ARL5A: variants seen among roughly 807,000 people sequenced by gnomAD.
ARL5A encodes ARF like GTPase 5A.
In ARL5A, 18 loss-of-function variants were observed where a neutral mutation model predicts 25.9. The ratio of observed to expected loss-of-function variants is 0.69; its 90% CI spans 0.48 to 1.03. The LOEUF (loss-of-function observed/expected upper bound fraction) is 1.03. Among genes scored for constraint, ARL5A ranks in the 50% least tolerant of loss-of-function variants. The pLI, the probability that ARL5A is intolerant of heterozygous loss-of-function variation, is 0.00. For missense variants in ARL5A, 170 were observed against 211.9 expected, an observed-to-expected ratio of 0.80 and a Z score of 1.23; for synonymous variants, 61 against 67.5, an observed-to-expected ratio of 0.90 and a Z score of 0.47.
Position 151,801,795 on chromosome 2 carries a change from A to C in ARL5A, c.*1481T>G, listed in dbSNP as rs557094664. ...ATATTGAAGGTAGTTTTTTTTTCTC[A>C]AATATGCTAAAACATGTGAGTTTGG... On this transcript the variant is annotated 3_prime_UTR_variant, in exon 6 of 6. Coordinates refer to ENST00000295087, the MANE Select transcript of ARL5A (RefSeq NM_012097.4). 1 of 152,074 alleles carries C rather than the reference A, an allele frequency of 6.6e-6. No individual in the cohort carries two copies. Among genetic ancestry groups the C allele is most frequent in the Non-Finnish European group, 1.5e-5 (1 of 67,892 alleles). 9.4% of individuals were successfully genotyped at this position (152,074 alleles called of 1,614,324 possible).
rs992615683 is a variant in ARL5A at position 151,799,780 on chromosome 2, C to A, written c.*3496G>T. The A allele has an allele frequency of 2.0e-5, 3 of 152,162 alleles. No homozygotes were observed. Among genetic ancestry groups the A allele is most frequent in the Admixed American group, 6.5e-5 (1 of 15,280 alleles). 9.4% of individuals were successfully genotyped at this position (152,162 alleles called of 1,614,324 possible). A position where few individuals can be genotyped will look rare whatever the true frequency, so the allele number is the denominator to read the frequency against. Reference sequence around the variant, plus strand: ...CCAGTGGTGAGAAGATAGCAAGGAACTAGAAAAGCTACATAGAAACCACTG... The same window carrying A: ...CCAGTGGTGAGAAGATAGCAAGGAAATAGAAAAGCTACATAGAAACCACTG... On this transcript the variant is annotated 3_prime_UTR_variant, in exon 6 of 6. Coordinates refer to ENST00000295087, the MANE Select transcript of ARL5A (RefSeq NM_012097.4).
chr2:151,826,118 C>G (rs1316886257), intron 1 of ARL5A, among the ~76,000 whole-genome samples: 2 of 151,994 alleles, frequency 1.3e-5, no homozygotes, highest in South Asian at 2.1e-4. Context: ...AAGACTCCAT[C>G]TCAAAAAAAC....
At chr2:151,825,309 G>A (rs2151298312) in intron 1 of ARL5A, among the ~76,000 whole-genome samples, 2 of 152,140 alleles carry the variant, frequency 1.3e-5, no homozygotes, top group East Asian at 3.9e-4. Flanking sequence ...AGGAGGGAGG[G>A]AAAAATGATG....
chr2:151,827,971 G>A, intron 1 of ARL5A, 160 bp downstream of exon 1: 1 of 683,340 alleles, frequency 1.5e-6, no homozygotes, highest in Non-Finnish European at 2.5e-6. Flanking sequence ...TCGGGAGCCG[G>A]GACCGAACCG....
At chr2:151,806,725 T>C (rs2099830165) in intron 5 of ARL5A, 96 bp downstream of exon 5, 1 of 1,288,554 alleles carries the variant, frequency 7.8e-7, no homozygotes, top group African/African-American at 1.5e-5. Context: ...CGATGTTTTA[T>C]ACACAATAGC....
chr2:151,814,116 A>T lies in ARL5A; in HGVS notation c.255+53T>A, dbSNP rs1430698829. ...ATTAACTATAAGGACTCAAATCTAGATGTTTTCCAAGCATTCTGTTTATAG... is the reference window on the plus strand; with the variant it reads ...ATTAACTATAAGGACTCAAATCTAGTTGTTTTCCAAGCATTCTGTTTATAG... On this transcript the variant is annotated intron_variant, in intron 3 of 5. Coordinates refer to ENST00000295087, the MANE Select transcript of ARL5A (RefSeq NM_012097.4). 5 of 1,458,042 alleles carry T rather than the reference A, an allele frequency of 3.4e-6. No individual in the cohort carries two copies. The African/African-American group carries it at 7.2e-5, about 21-fold the overall frequency. The allele number at this position is 1,458,042 out of a possible 1,614,324, so 90.3% of individuals were successfully genotyped here.
rs1461149599 is a variant in ARL5A, at chr2:151,799,035, G to A, written c.*4241C>T. 1 of 152,172 alleles carries A rather than the reference G, an allele frequency of 6.6e-6. No homozygotes were observed. The highest frequency in any genetic ancestry group is 1.5e-5 in the Non-Finnish European group (1 of 68,020). The allele number at this position is 152,172 out of a possible 1,614,324, so 9.4% of individuals were successfully genotyped here. ...TGGAACATTTCTTCACAATCTGACA[G>A]GACTTTAGGGTTAACTAGAAAGTTA... On this transcript the variant is annotated 3_prime_UTR_variant, in exon 6 of 6. Transcript: ENST00000295087.
chr2:151,810,651 G>A (rs775491200), intron 4 of ARL5A: 3 of 400,244 alleles, frequency 7.5e-6, no homozygotes, highest in Non-Finnish European at 1.5e-5. Context: ...CTGGGCCCCA[G>A]TGTAGTCACC....
At chr2:151,815,277 G>A in intron 1 of ARL5A, 78 bp from the exon 2 acceptor site, 2 of 1,145,008 alleles carry the variant, frequency 1.7e-6, no homozygotes, top group South Asian at 1.4e-5. Flanking sequence ...AATATACTCT[G>A]TATCTCACCC....
intron 5 of ARL5A, 127 bp downstream of exon 5, chr2:151,806,694 A>G (rs2099830160): frequency 1.4e-5 from 13 of 905,678 alleles, no homozygotes; most frequent in Non-Finnish European, 2.1e-5. Flanking sequence ...GACATGAACT[A>G]CAGCTTACGT....
chr2:151,805,405 C>T (rs2099829959), intron 5 of ARL5A, among the ~76,000 whole-genome samples: 2 of 152,100 alleles, frequency 1.3e-5, no homozygotes, highest in Non-Finnish European at 2.9e-5. Context: ...ATGCTTTTGT[C>T]CTTTCCTAAC....
chr2:151,815,299 G>T, intron 1 of ARL5A, 100 bp from the exon 2 acceptor site: 1 of 928,550 alleles, frequency 1.1e-6, no homozygotes, highest in Non-Finnish European at 1.7e-6. Flanking sequence ...TCTATCTATG[G>T]CATAATTCAG....
chr2:151,803,432 A>G (rs2099829684), intron 5 of ARL5A, 108 bp from the exon 6 acceptor site: 2 of 782,966 alleles, frequency 2.6e-6, no homozygotes, highest in Non-Finnish European at 4.4e-6. Context: ...GCTAAATAAC[A>G]AAGATTTAAA....
rs2099829609 is a variant in ARL5A, at chr2:151,802,828, A to C, written c.*448T>G. ...ATATACACAATACACACACAACCTT[A>C]AGCAAAATACTTTTCATAAGTAACA... On this transcript the variant is annotated 3_prime_UTR_variant, in exon 6 of 6. Coordinates refer to ENST00000295087, the MANE Select transcript of ARL5A (RefSeq NM_012097.4). The C allele has an allele frequency of 1.9e-5, 3 of 155,810 alleles. No individual in the cohort carries two copies. The South Asian group carries it at 5.9e-4, about 30-fold the overall frequency. The allele number at this position is 155,810 out of a possible 1,614,324, so 9.7% of individuals were successfully genotyped here. A position where few individuals can be genotyped will look rare whatever the true frequency, so the allele number is the denominator to read the frequency against.
intron 3 of ARL5A, among the ~76,000 whole-genome samples, chr2:151,813,738 T>C (rs1361488341): frequency 6.6e-6 from 1 of 152,190 alleles, no homozygotes; most frequent in Non-Finnish European, 1.5e-5. Flanking sequence ...ATGTCTAAAA[T>C]GCCTTATAAT....
chr2:151,814,402 A>T, intron 2 of ARL5A, 86 bp from the exon 3 acceptor site: 1 of 1,029,376 alleles, frequency 9.7e-7, no homozygotes, highest in Non-Finnish European at 1.4e-6. Context: ...AATCAGCATG[A>T]CCTCCTTTTA....
chr2:151,812,327 A>G, intron 4 of ARL5A, 30 bp downstream of exon 4: 1 of 1,440,872 alleles, frequency 6.9e-7, no homozygotes, highest in Non-Finnish European at 9.6e-7. Context: ...ACCCTTCCCC[A>G]TATCTAATGT....
intron 4 of ARL5A, among the ~76,000 whole-genome samples, chr2:151,811,812 T>TC (rs921322206): frequency 2.0e-5 from 3 of 152,098 alleles, no homozygotes; most frequent in African/African-American, 7.2e-5. Flanking sequence ...GCTCAAGCGA[T>TC]CCCCCCACCT....
Position 151,802,302 on chromosome 2 carries a change from T to C in ARL5A, c.*974A>G, listed in dbSNP as rs553275572. On this transcript the variant is annotated 3_prime_UTR_variant, in exon 6 of 6. Transcript: ENST00000295087. ...TTGTTTAATAGTATTTATAGAATGCTACTTTTCTGGGTAGACATGTTTCAC... is the reference window on the plus strand; with the variant it reads ...TTGTTTAATAGTATTTATAGAATGCCACTTTTCTGGGTAGACATGTTTCAC... 7.9e-5 allele frequency: 12 copies of C among 152,296 alleles called. No individual in the cohort carries two copies. Among genetic ancestry groups the C allele is most frequent in the Admixed American group, 2.6e-4 (4 of 15,302 alleles). 9.4% of individuals were successfully genotyped at this position (152,296 alleles called of 1,614,324 possible). A position where few individuals can be genotyped will look rare whatever the true frequency, so the allele number is the denominator to read the frequency against.
Sources: gnomAD v4.1 joint callset for allele counts (sites outside exome capture counted in the v4.1 genomes callset) on GRCh38, gnomAD v4.1.1 for gene constraint, MANE v1.5 for transcripts, NCBI Gene and HGNC (gene_info 2026-07-23, HGNC 2026-07-21) for gene names.